Variants in PRAMEF2 observed in about 807,000 individuals in gnomAD.
PRAMEF2 encodes the protein PRAME family member 2.
In PRAMEF2, 35 loss-of-function variants were observed where a neutral mutation model predicts 38.0. That is an observed-to-expected ratio of 0.92 (90% confidence interval 0.70 to 1.22). The LOEUF (loss-of-function observed/expected upper bound fraction) is 1.22, where lower values mean the gene tolerates loss of function less well. Ranked by LOEUF, PRAMEF2 falls within the 50% of genes most tolerant of loss-of-function variation. The pLI is 0.00. For missense variants in PRAMEF2, 562 were observed against 553.9 expected (o/e 1.01, Z -0.15); for synonymous variants, 240 against 232.4 (o/e 1.03, Z -0.30).
In PRAMEF2 at chr1:12,859,038, T is replaced by C. The variant is rs1458470461; in HGVS notation, c.29T>C (p.Leu10Pro). The C allele has an allele frequency of 6.2e-7, 1 of 1,603,850 alleles. No individual in the cohort carries two copies. The highest frequency in any genetic ancestry group is 8.5e-7 in the Non-Finnish European group (1 of 1,176,254). MSIQAPPRL[L>P]ELAGQSLLRD... ...AGCATCCAGGCCCCACCGAGACTAC[T>C]GGAGCTGGCGGGGCAGAGCCTGCTG... is the stretch of plus-strand genomic sequence containing the variant. Residue 10 changes from leucine (L) to proline (P), a missense_variant, in exon 2 of 4, where the codon CTG becomes CCG. By Grantham distance (98) the Leu-to-Pro change is moderately conservative. Coordinates refer to ENST00000240189, the MANE Select transcript of PRAMEF2 (RefSeq NM_023014.1).
Position 12,859,056 on chromosome 1 carries a change from G to A in PRAMEF2, c.47G>A (p.Ser16Asn), listed in dbSNP as rs144331118. 3.7e-6 allele frequency: 6 copies of A among 1,604,014 alleles called. No homozygotes were observed. The highest frequency in any genetic ancestry group is 4.2e-4 in the Middle Eastern group (2 of 4,774). The change falls in exon 2 of 4, where the codon AGC (serine) becomes AAC (asparagine). Residue 16 changes from serine (S) to asparagine (N), a missense_variant. By Grantham distance (46) the Ser-to-Asn change is conservative (BLOSUM62 1). Transcript: ENST00000240189. ...AGACTACTGGAGCTGGCGGGGCAGA[G>A]CCTGCTGAGAGACCAGGCCTTGTCC... ...PPRLLELAGQ[S>N]LLRDQALSIS...
In PRAMEF2 at chr1:12,860,307, A is replaced by G. The variant is rs1640526490; in HGVS notation, c.866+36A>G. On this transcript the variant is annotated intron_variant, in intron 3 of 3. Transcript: ENST00000240189. ...ATTGTGCACTTTGTATGCAGACCAC[A>G]GCACAGACTTGTTCTGTTACAGCAA... 1.1e-5 allele frequency: 17 copies of G among 1,603,230 alleles called. 2 individuals are homozygous for G. The highest frequency in any genetic ancestry group is 1.4e-5 in the Non-Finnish European group (17 of 1,174,604).
rs1640506690 is a variant in PRAMEF2 at position 12,859,564 on chromosome 1, G to A, written c.288-129G>A. The stretch of plus-strand genomic sequence containing the variant: ...CCACTCAGAATCCAAAGGGAAAAGG[G>A]ATTGAGAAAAGACAAAGAGAACAGG... On this transcript the variant is annotated intron_variant, in intron 2 of 3. Transcript: ENST00000240189. 2 of 1,505,740 alleles carry A rather than the reference G, an allele frequency of 1.3e-6. 1 individual carries two copies. Among genetic ancestry groups the A allele is most frequent in the Admixed American group, 4.0e-5 (2 of 49,636 alleles). 93.3% of individuals were successfully genotyped at this position (1,505,740 alleles called of 1,614,324 possible).
In PRAMEF2 at chr1:12,861,473, G is replaced by A. The variant is rs1450293715; in HGVS notation, c.1119G>A (p.Leu373=). ...AACTCAGTGCCATCCTGCCTGGCCT[G>A]AGCTGCTGCTCCCAGCTCACCACCT... ...YSQLSAILPG[L]SCCSQLTTFY... Residue 373 remains leucine, a synonymous_variant, in exon 4 of 4, where the codon CTG becomes CTA. Coordinates refer to ENST00000240189, the MANE Select transcript of PRAMEF2 (RefSeq NM_023014.1). The A allele has an allele frequency of 5.0e-6, 8 of 1,605,776 alleles. 1 individual carries two copies. Among genetic ancestry groups the A allele is most frequent in the Non-Finnish European group, 6.8e-6 (8 of 1,177,366 alleles).
chr1:12,861,295 C>T lies in PRAMEF2; in HGVS notation c.941C>T (p.Ser314Phe). The change falls in exon 4 of 4, where the codon TCC becomes TTC. Residue 314 changes from serine (S) to phenylalanine (F), a missense_variant. Transcript: ENST00000240189. ...NLLEEDLKCL[S>F]QFPSLGYLKH... The stretch of plus-strand genomic sequence containing the variant: ...TTAGAAGAGGACTTGAAGTGTCTCT[C>T]CCAGTTCCCAAGCCTCGGTTACCTA... The T allele has an allele frequency of 6.3e-7, 1 of 1,599,800 alleles. No homozygotes were observed. Among genetic ancestry groups the T allele is most frequent in the South Asian group, 1.1e-5 (1 of 89,892 alleles).
Position 12,860,264 on chromosome 1 carries a change from CTGA to C in PRAMEF2, c.861_863del (p.Ile288del), listed in dbSNP as rs1172477685. On this transcript the variant is annotated inframe_deletion, in exon 3 of 4. Coordinates refer to ENST00000240189, the MANE Select transcript of PRAMEF2 (RefSeq NM_023014.1). ...CTTCTTCAGTGGGCACCTGGAACAGCTGATCAGGTGAGAAAGGATTGTGCACTT... is the reference window on the plus strand; with the variant it reads ...CTTCTTCAGTGGGCACCTGGAACAGCTCAGGTGAGAAAGGATTGTGCACTT... 4 of 1,606,864 alleles carry C rather than the reference CTGA, an allele frequency of 2.5e-6. No homozygotes were observed. Among genetic ancestry groups the C allele is most frequent in the Non-Finnish European group, 3.4e-6 (4 of 1,176,630 alleles).
chr1:12,859,961 G>T lies in PRAMEF2; in HGVS notation c.556G>T (p.Val186Phe). ...GLVHLCCSKL[V>F]NYLTPIKYLR... The stretch of plus-strand genomic sequence containing the variant: ...AGTACACCTGTGCTGTAGTAAGCTG[G>T]TCAATTATCTAACGCCAATTAAATA... The change falls in exon 3 of 4, where the codon GTC becomes TTC. Residue 186 changes from valine to phenylalanine, a missense_variant. Coordinates refer to ENST00000240189, the MANE Select transcript of PRAMEF2 (RefSeq NM_023014.1). The T allele has an allele frequency of 6.2e-7, 1 of 1,607,984 alleles. No individual in the cohort carries two copies. Among genetic ancestry groups the T allele is most frequent in the Non-Finnish European group, 8.5e-7 (1 of 1,176,988 alleles).
chr1:12,860,797 G>C lies in PRAMEF2; in HGVS notation c.867-424G>C, dbSNP rs571393206. ...TTCCGGGATGGAGGTGAGGGAGTAG[G>C]CGTGAGAGTGGTAAAAAGTGACAGT... On this transcript the variant is annotated intron_variant, in intron 3 of 3. Coordinates refer to ENST00000240189, the MANE Select transcript of PRAMEF2 (RefSeq NM_023014.1). Among the ~76,000 whole-genome samples, 172 of 150,066 alleles carry C rather than the reference G, an allele frequency of 1.1e-3. 1 individual carries two copies. The Middle Eastern group carries it at 0.024, about 21-fold the overall frequency.
intron 2 of PRAMEF2, 107 bp downstream of exon 2, chr1:12,859,403 T>C: frequency 6.3e-7 from 1 of 1,574,828 alleles, no homozygotes; most frequent in South Asian, 1.2e-5. Flanking sequence ...CTTCTGATGG[T>C]GTTGGCGAGG....
intron 1 of PRAMEF2, among the ~76,000 whole-genome samples, chr1:12,858,775 T>C (rs1191959690): frequency 1.3e-5 from 2 of 149,636 alleles, no homozygotes; most frequent in African/African-American, 2.4e-5. Context: ...CAATGGTCTC[T>C]TTGACCCCTC....
In PRAMEF2 at chr1:12,860,142, C is replaced by G. The variant is rs143792800; in HGVS notation, c.737C>G (p.Thr246Arg). 4 of 1,606,656 alleles carry G rather than the reference C, an allele frequency of 2.5e-6. No individual in the cohort carries two copies. Among genetic ancestry groups the G allele is most frequent in the Non-Finnish European group, 3.4e-6 (4 of 1,176,426 alleles). The change falls in exon 3 of 4, where the codon ACG becomes AGG. Residue 246 changes from threonine (T) to arginine (R), a missense_variant. Physicochemically the swap from Thr to Arg is moderately conservative, Grantham distance 71. Transcript: ENST00000240189. ...GTTTTCTCCAGGTGCCATCATTACA[C>G]GTCAGATAATGAACTCGAGGGATGG... ...KLVFSRCHHY[T>R]SDNELEGWLV...
Position 12,860,064 on chromosome 1 carries a change from T to C in PRAMEF2, c.659T>C (p.Leu220Pro). Residue 220 changes from leucine to proline, a missense_variant, in exon 3 of 4, where the codon CTG becomes CCG. By Grantham distance (98) the Leu-to-Pro change is moderately conservative (BLOSUM62 -3). Around this residue, in one of 2 missense-constraint regions of PRAMEF2, gnomAD observed 486 missense variants for 444.2 expected, o/e 1.09. Coordinates refer to ENST00000240189, the MANE Select transcript of PRAMEF2 (RefSeq NM_023014.1). ...LEIHNTCWPH[L>P]IRKLYCYLKE... is the part of the protein sequence containing the mutation. Reference sequence around the variant, plus strand: ...ATTCACAACACGTGCTGGCCACATCTGATAAGAAAGCTTTATTGTTACCTG... The same window carrying C: ...ATTCACAACACGTGCTGGCCACATCCGATAAGAAAGCTTTATTGTTACCTG... 3.7e-6 allele frequency: 6 copies of C among 1,606,796 alleles called. No individual in the cohort carries two copies. Among genetic ancestry groups the C allele is most frequent in the Non-Finnish European group, 5.1e-6 (6 of 1,176,508 alleles).
chr1:12,859,188 C>G lies in PRAMEF2; in HGVS notation c.179C>G (p.Pro60Arg), dbSNP rs375038780. 4.3e-6 allele frequency: 7 copies of G among 1,609,526 alleles called. No individual in the cohort carries two copies. The highest frequency in any genetic ancestry group is 5.1e-6 in the Non-Finnish European group (6 of 1,178,120). The change falls in exon 2 of 4, where the codon CCT (proline) becomes CGT (arginine). Residue 60 changes from proline (P) to arginine (R), a missense_variant. Transcript: ENST00000240189. ...CTGACGGTGATGGTGCAGGCCTGGC[C>G]TTTCACCTGCCTCCCTCTGGTATCG... ...QTLTVMVQAW[P>R]FTCLPLVSLM...
rs1403716120 is a variant in PRAMEF2 at position 12,859,102 on chromosome 1, G to C, written c.93G>C (p.Leu31=). Residue 31 remains leucine, a synonymous_variant, in exon 2 of 4, where the codon CTG becomes CTC. Transcript: ENST00000240189. ...QALSISAMEE[L]PRVLYLPLFR... is the part of the protein sequence containing the mutation. ...TGTCCATCTCTGCCATGGAGGAGCT[G>C]CCCAGGGTGCTCTATCTCCCACTCT... 1 of 1,605,904 alleles carries C rather than the reference G, an allele frequency of 6.2e-7. No individual in the cohort carries two copies. Among genetic ancestry groups the C allele is most frequent in the Non-Finnish European group, 8.5e-7 (1 of 1,176,678 alleles).
intron 1 of PRAMEF2, among the ~76,000 whole-genome samples, chr1:12,858,409 C>T (rs1640481023): frequency 6.7e-6 from 1 of 149,958 alleles, no homozygotes; most frequent in East Asian, 2.0e-4. Flanking sequence ...ATTATGTAGG[C>T]CCAGGCTGTT....
chr1:12,859,825 G>C lies in PRAMEF2; in HGVS notation c.420G>C (p.Arg140Ser). The change falls in exon 3 of 4, where the codon AGG becomes AGC. Residue 140 changes from arginine (R) to serine (S), a missense_variant. Arg to Ser is a moderately radical substitution (Grantham distance 110). Around this residue, in one of 2 missense-constraint regions of PRAMEF2, gnomAD observed 486 missense variants for 444.2 expected, o/e 1.09. Coordinates refer to ENST00000240189, the MANE Select transcript of PRAMEF2 (RefSeq NM_023014.1). ...GGCAGACAGCAGAGGACTGTCCAAG[G>C]ACGGGAGAGCACCAGCCCTTAAAGG... ...SKRQTAEDCP[R>S]TGEHQPLKVF... is the part of the protein sequence containing the mutation. 1 of 1,607,604 alleles carries C rather than the reference G, an allele frequency of 6.2e-7. No homozygotes were observed. Among genetic ancestry groups the C allele is most frequent in the Non-Finnish European group, 8.5e-7 (1 of 1,177,932 alleles).
At position 12,857,086 on chromosome 1, in the gene PRAMEF2, C is replaced by A. The variant is rs1640461137; in HGVS notation, c.-87C>A. ...CCAGAAGAGACCCACAGCACTCACA[C>A]CTGAAGCTACTGGTTGGTTCCCTGA... On this transcript the variant is annotated 5_prime_UTR_variant, in exon 1 of 4. Transcript: ENST00000240189. 6.7e-6 allele frequency: 1 copy of A among 148,572 alleles called. No homozygotes were observed. Among genetic ancestry groups the A allele is most frequent in the African/African-American group, 2.5e-5 (1 of 40,452 alleles). The allele number at this position is 148,572 out of a possible 1,614,324, so 9.2% of individuals were successfully genotyped here. A position where few individuals can be genotyped will look rare whatever the true frequency, so the allele number is the denominator to read the frequency against.
intron 3 of PRAMEF2, 81 bp downstream of exon 3, chr1:12,860,352 G>C: frequency 6.3e-7 from 1 of 1,577,196 alleles, no homozygotes; most frequent in Non-Finnish European, 8.6e-7. Context: ...GGCGTGTACT[G>C]TGTGCCAGCC....
chr1:12,861,068 G>T lies in PRAMEF2; in HGVS notation c.867-153G>T, dbSNP rs903990794. ...ATGGGACAGCCCCTGAACGATCAGG[G>T]TCCTCATCATGCAGCAACTTCCATG... On this transcript the variant is annotated intron_variant, in intron 3 of 3. Coordinates refer to ENST00000240189, the MANE Select transcript of PRAMEF2 (RefSeq NM_023014.1). Among the ~76,000 whole-genome samples the T allele has an allele frequency of 8.7e-5, 13 of 150,286 alleles. No individual in the cohort carries two copies. The East Asian group carries it at 2.1e-3, about 25-fold the overall frequency.
Sources: allele counts gnomAD v4.1 joint callset (sites outside exome capture counted in the v4.1 genomes callset), GRCh38; gene constraint gnomAD v4.1.1; regional missense constraint gnomAD v4.1.1; transcripts MANE v1.5; gene names NCBI Gene and HGNC (gene_info 2026-07-23, HGNC 2026-07-21).